The following DOCK2 variants were observed in gnomAD, a reference collection of about 807,000 sequenced individuals.
DOCK2 encodes dedicator of cytokinesis protein 2.
DOCK2 carries 87 observed loss-of-function variants against 248.9 expected under a neutral mutation model. The ratio of observed to expected loss-of-function variants is 0.35; its 90% CI spans 0.29 to 0.42. The LOEUF is 0.42. DOCK2 is among the 10% of genes least tolerant of loss of function. The pLI is 1.00. For missense variants in DOCK2, 1,747 were observed against 2,300.2 expected (o/e 0.76, Z 4.92); for synonymous variants, 805 against 821.6 (o/e 0.98, Z 0.35).
chr5:169,744,976 A>T (rs1461175560), intron 22 of DOCK2, among the ~76,000 whole-genome samples: 1 of 152,212 alleles, frequency 6.6e-6, no homozygotes, highest in African/African-American at 2.4e-5. Context: ...CCAGGTCGGG[A>T]TGTTAAATGT....
At position 169,695,889 on chromosome 5, in the gene DOCK2, T is replaced by C. The variant is rs960133085; in HGVS notation, c.930T>C (p.Thr310=). ...VRVGKMDLKD[T]GAKKCTQGLR... ...TCGGCAAGATGGATCTTAAGGATAC[T>C]GGTGCAAAGAAGTGCACGCAGGGAC... The change falls in exon 10 of 52, where the codon ACT becomes ACC. Residue 310 remains threonine (T), a synonymous_variant. Transcript: ENST00000520908. 2 of 1,614,006 alleles carry C rather than the reference T, an allele frequency of 1.2e-6. No homozygotes were observed. Among genetic ancestry groups the C allele is most frequent in the South Asian group, 2.2e-5 (2 of 91,048 alleles).
At chr5:170,012,795 A>G (rs1406072055) in intron 32 of DOCK2, among the ~76,000 whole-genome samples, 1 of 152,224 alleles carries the variant, frequency 6.6e-6, no homozygotes, top group Non-Finnish European at 1.5e-5. Context: ...TTTGCACTTA[A>G]TCCTCCCACA....
At chr5:169,973,197 C>G (rs1777591010) in intron 27 of DOCK2, among the ~76,000 whole-genome samples, 1 of 152,172 alleles carries the variant, frequency 6.6e-6, no homozygotes, top group Non-Finnish European at 1.5e-5. Context: ...TGCCTGCCCC[C>G]TCCACTCCCT....
intron 25 of DOCK2, among the ~76,000 whole-genome samples, chr5:169,768,401 A>C (rs1260539383): frequency 6.6e-6 from 1 of 152,256 alleles, no homozygotes; most frequent in Non-Finnish European, 1.5e-5. Flanking sequence ...ATGAGGACTA[A>C]AAAGGAGAAA....
chr5:170,042,880 G>T (rs1756568832), intron 38 of DOCK2, among the ~76,000 whole-genome samples: 1 of 152,216 alleles, frequency 6.6e-6, no homozygotes, highest in Non-Finnish European at 1.5e-5. Flanking sequence ...CTTGCCCACT[G>T]CTAAATGCCC....
At chr5:169,760,652 C>T (rs1157983232) in intron 24 of DOCK2, among the ~76,000 whole-genome samples, 2 of 152,118 alleles carry the variant, frequency 1.3e-5, no homozygotes, top group Non-Finnish European at 2.9e-5. Flanking sequence ...TCCCCCAGCC[C>T]CTGTGCCATT....
At chr5:169,946,550 T>C (rs971311871) in intron 27 of DOCK2, among the ~76,000 whole-genome samples, 2 of 152,186 alleles carry the variant, frequency 1.3e-5, no homozygotes, top group Non-Finnish European at 1.5e-5. Context: ...GGATCTGGCA[T>C]AGTCACTCAT....
At chr5:169,817,271 G>A (rs561630924) in intron 26 of DOCK2, among the ~76,000 whole-genome samples, 1 of 152,296 alleles carries the variant, frequency 6.6e-6, no homozygotes, top group African/African-American at 2.4e-5. Flanking sequence ...CTCTTGTCAT[G>A]GTAGGCCTTT....
chr5:169,641,386 GTGGGT>G, intron 1 of DOCK2, among the ~76,000 whole-genome samples: 1 of 152,346 alleles, frequency 6.6e-6, no homozygotes, highest in South Asian at 2.1e-4. Flanking sequence ...GTTCAGGGAT[GTGGGT>G]GATGCTGTCG....
chr5:169,778,802 G>A (rs760391562), intron 25 of DOCK2, among the ~76,000 whole-genome samples: 2 of 152,182 alleles, frequency 1.3e-5, no homozygotes, highest in Non-Finnish European at 2.9e-5. Context: ...TAACAAGCAG[G>A]CCCACTTCTC....
intron 48 of DOCK2, among the ~76,000 whole-genome samples, chr5:170,078,146 A>G (rs1757901699): frequency 6.6e-6 from 1 of 152,146 alleles, no homozygotes; most frequent in South Asian, 2.1e-4. Flanking sequence ...CCAAGCCTGC[A>G]TCCTTCTGGA....
chr5:169,802,820 A>G lies in DOCK2; in HGVS notation c.2555-238A>G, dbSNP rs563488472. ...TGTGTATATATAAAATATATAGAACATACTAGAATATACAGAATAAAATAA... is the reference window on the plus strand; with the variant it reads ...TGTGTATATATAAAATATATAGAACGTACTAGAATATACAGAATAAAATAA... On this transcript the variant is annotated intron_variant, in intron 25 of 51. Coordinates refer to ENST00000520908, the MANE Select transcript of DOCK2 (RefSeq NM_004946.3). 1.6e-3 allele frequency among the ~76,000 whole-genome samples: 238 copies of G among 152,326 alleles called. 1 individual carries two copies. Among genetic ancestry groups the G allele is most frequent in the Non-Finnish European group, 2.6e-3 (179 of 68,022 alleles).
At chr5:170,033,343 T>G (rs1756210418) in intron 34 of DOCK2, among the ~76,000 whole-genome samples, 1 of 152,170 alleles carries the variant, frequency 6.6e-6, no homozygotes, top group East Asian at 1.9e-4. Flanking sequence ...TTTTTAAAAT[T>G]TAGAATATAA....
In DOCK2 at chr5:169,800,944, C is replaced by CTTTCTTTTTTTTTTTTTTTT. The variant is rs1248380098; in HGVS notation, c.2555-2111_2555-2110insCTTTTTTTTTTTTTTTTTTT. On this transcript the variant is annotated intron_variant, in intron 25 of 51. Transcript: ENST00000520908. ...TTTTTCTTTTTTCTTTTCTTTCTTT[C>CTTTCTTTTTTTTTTTTTTTT]TTTTTTTTTTTTTTTTTTTTTTTTT... 2.6e-4 allele frequency among the ~76,000 whole-genome samples: 14 copies of CTTTCTTTTTTTTTTTTTTTT among 53,192 alleles called. 1 individual carries two copies. Among genetic ancestry groups the CTTTCTTTTTTTTTTTTTTTT allele is most frequent in the African/African-American group, 1.1e-3 (8 of 7,134 alleles). 34.9% of individuals were successfully genotyped at this position (53,192 alleles called of 152,430 possible).
At chr5:170,005,048 C>A in intron 30 of DOCK2, among the ~76,000 whole-genome samples, 1 of 136,016 alleles carries the variant, frequency 7.4e-6, no homozygotes, top group Admixed American at 7.3e-5. Flanking sequence ...GCACATGTAC[C>A]CTAAAACTTA....
intron 22 of DOCK2, among the ~76,000 whole-genome samples, chr5:169,733,439 G>A (rs896086129): frequency 1.3e-5 from 2 of 149,846 alleles, no homozygotes; most frequent in Non-Finnish European, 3.0e-5. Flanking sequence ...TAAACAGTTA[G>A]TATTTATGTT....
intron 41 of DOCK2, among the ~76,000 whole-genome samples, chr5:170,054,282 G>A (rs1420124975): frequency 6.6e-6 from 1 of 152,162 alleles, no homozygotes; most frequent in Non-Finnish European, 1.5e-5. Flanking sequence ...GGTGGTCATT[G>A]GGTAGAATAG....
At chr5:169,991,100 C>A in intron 29 of DOCK2, among the ~76,000 whole-genome samples, 1 of 152,238 alleles carries the variant, frequency 6.6e-6, no homozygotes, top group Non-Finnish European at 1.5e-5. Context: ...AGCCCACGGC[C>A]GCAGCTCAGA....
intron 33 of DOCK2, among the ~76,000 whole-genome samples, chr5:170,025,794 T>C (rs867359220): frequency 4.7e-3 from 210 of 44,950 alleles, no homozygotes; most frequent in Middle Eastern, 0.029. Context: ...TTCCCTCCCT[T>C]CCTTCCTTCC....
Sources: allele counts gnomAD v4.1 joint callset (sites outside exome capture counted in the v4.1 genomes callset), GRCh38; gene constraint gnomAD v4.1.1; transcripts MANE v1.5; gene names NCBI Gene and HGNC (gene_info 2026-07-23, HGNC 2026-07-21).